Variants in SDK1 observed in about 807,000 individuals in gnomAD.
The protein encoded by SDK1 is protein sidekick-1.
Under a neutral mutation model 245.5 loss-of-function variants are expected in SDK1, and 157 were observed. The observed-to-expected ratio is 0.64, with a 90% CI of 0.56 to 0.73. The LOEUF (loss-of-function observed/expected upper bound fraction) is 0.73, where lower values mean the gene tolerates loss of function less well. SDK1 is among the 30% of genes least tolerant of loss of function. SDK1 has a pLI of 0.00. For synonymous variants in SDK1, 1,647 were observed against 1,278.5 expected (o/e 1.29, Z -6.15); for missense variants, 3,583 against 3,002.3 (o/e 1.19, Z -4.52).
At chr7:3,852,727 G>A (rs181520375) in intron 5 of SDK1, among the ~76,000 whole-genome samples, 11 of 137,262 alleles carry the variant, frequency 8.0e-5, no homozygotes, top group Non-Finnish European at 1.5e-5. Context: ...CTCCAGCCTG[G>A]GAGACAGAGC....
At chr7:3,712,853 G>A (rs1785089492) in intron 4 of SDK1, among the ~76,000 whole-genome samples, 1 of 152,218 alleles carries the variant, frequency 6.6e-6, no homozygotes, top group Non-Finnish European at 1.5e-5. Context: ...CCTGCGACTT[G>A]GCCCAGGTGC....
intron 2 of SDK1, among the ~76,000 whole-genome samples, chr7:3,628,185 A>C (rs1782178332): frequency 6.6e-6 from 1 of 152,114 alleles, no homozygotes; most frequent in East Asian, 1.9e-4. Flanking sequence ...TCAATTGGTG[A>C]GGCCTGTGTA....
intron 1 of SDK1, among the ~76,000 whole-genome samples, chr7:3,568,021 A>G (rs776260756): frequency 6.6e-5 from 10 of 151,946 alleles, no homozygotes; most frequent in South Asian, 6.2e-4. Flanking sequence ...AGGTCTCACT[A>G]TGTTGTCCAG....
intron 1 of SDK1, among the ~76,000 whole-genome samples, chr7:3,483,040 C>G (rs1244413679): frequency 6.6e-6 from 1 of 151,336 alleles, no homozygotes; most frequent in Non-Finnish European, 1.5e-5. Context: ...ATATTGTAAA[C>G]TTTTTAAAAT....
intron 40 of SDK1, among the ~76,000 whole-genome samples, chr7:4,223,661 T>A (rs1405405331): frequency 6.6e-6 from 1 of 152,202 alleles, no homozygotes; most frequent in Non-Finnish European, 1.5e-5. Context: ...CCGGCAGGAC[T>A]TCATCCTAAC....
At chr7:3,920,553 G>A (rs1014709253) in intron 5 of SDK1, among the ~76,000 whole-genome samples, 23 of 152,148 alleles carry the variant, frequency 1.5e-4, no homozygotes, top group African/African-American at 4.1e-4. Context: ...ACAGATTAAG[G>A]TGGGAGGGCA....
At chr7:4,121,371 T>A (rs1784055172) in intron 25 of SDK1, among the ~76,000 whole-genome samples, 3 of 152,158 alleles carry the variant, frequency 2.0e-5, no homozygotes, top group Admixed American at 2.0e-4. Context: ...GATTGGATCA[T>A]GGGGGCAATT....
chr7:4,042,804 C>A (rs1338609579), intron 17 of SDK1, among the ~76,000 whole-genome samples: 1 of 152,168 alleles, frequency 6.6e-6, no homozygotes, highest in Non-Finnish European at 1.5e-5. Context: ...GCCATAACCA[C>A]TCTTTTATTT....
intron 1 of SDK1, among the ~76,000 whole-genome samples, chr7:3,369,584 C>G (rs762856088): frequency 9.2e-5 from 14 of 152,160 alleles, no homozygotes; most frequent in Non-Finnish European, 1.3e-4. Context: ...AACATTTGTT[C>G]TTTCTTTTAC....
intron 1 of SDK1, among the ~76,000 whole-genome samples, chr7:3,514,800 A>T (rs1373886728): frequency 1.3e-5 from 2 of 152,200 alleles, no homozygotes; most frequent in Non-Finnish European, 2.9e-5. Context: ...CAGGATTTGT[A>T]TTACTAAAGA....
intron 4 of SDK1, among the ~76,000 whole-genome samples, chr7:3,713,209 A>T (rs1420317104): frequency 6.6e-6 from 1 of 152,240 alleles, no homozygotes; most frequent in African/African-American, 2.4e-5. Context: ...TTGATGGATG[A>T]TGAAGACATT....
At chr7:4,103,181 TA>T (rs199817479) in intron 22 of SDK1, among the ~76,000 whole-genome samples, 11,128 of 152,204 alleles carry the variant, frequency 0.073, 443 homozygotes, top group African/African-American at 0.11. Context: ...TTTGTATTTT[TA>T]GTGGAGACTG....
intron 28 of SDK1, among the ~76,000 whole-genome samples, chr7:4,144,773 C>T (rs2128206235): frequency 6.6e-6 from 1 of 152,280 alleles, no homozygotes; most frequent in South Asian, 2.1e-4. Flanking sequence ...AGAGGCCACT[C>T]CACGAAGAGG....
intron 4 of SDK1, among the ~76,000 whole-genome samples, chr7:3,677,468 C>T (rs999846659): frequency 6.6e-6 from 1 of 152,156 alleles, no homozygotes; most frequent in African/African-American, 2.4e-5. Context: ...TGCTGGCAGA[C>T]AAGAGAGCTT....
intron 1 of SDK1, among the ~76,000 whole-genome samples, chr7:3,509,522 C>A (rs1271014479): frequency 6.6e-6 from 1 of 152,142 alleles, no homozygotes; most frequent in Non-Finnish European, 1.5e-5. Context: ...TAAATACAAC[C>A]ACAATGTTTG....
intron 5 of SDK1, among the ~76,000 whole-genome samples, chr7:3,928,564 T>A (rs1779858082): frequency 6.6e-6 from 1 of 152,172 alleles, no homozygotes; most frequent in Non-Finnish European, 1.5e-5. Context: ...AGAAGGCTTT[T>A]TTGGTAGGCA....
intron 33 of SDK1, among the ~76,000 whole-genome samples, chr7:4,174,893 C>T (rs540040339): frequency 5.9e-5 from 9 of 152,348 alleles, no homozygotes; most frequent in Non-Finnish European, 1.0e-4. Context: ...CCCGTTCCCA[C>T]CCCTCCTCTG....
At position 3,545,308 on chromosome 7, in the gene SDK1, A is replaced by G. The variant is rs1332010494; in HGVS notation, c.299-73772A>G. On this transcript the variant is annotated intron_variant, in intron 1 of 44. Coordinates refer to ENST00000404826, the MANE Select transcript of SDK1 (RefSeq NM_152744.4). ...TCAGAAAAATGGTGGGGCACACCAA[A>G]TAAACATTTTGGCAGGCGGTCAAAA... Among the ~76,000 whole-genome samples, 3 of 152,188 alleles carry G rather than the reference A, an allele frequency of 2.0e-5. No individual in the cohort carries two copies. The South Asian group carries it at 6.2e-4, about 32-fold the overall frequency.
At chr7:3,464,250 A>G (rs913125800) in intron 1 of SDK1, among the ~76,000 whole-genome samples, 1 of 152,192 alleles carries the variant, frequency 6.6e-6, no homozygotes, top group African/African-American at 2.4e-5. Flanking sequence ...TGGGCCAGGC[A>G]TGGTGGCTCA....
Sources: gnomAD v4.1 joint callset for allele counts (sites outside exome capture counted in the v4.1 genomes callset) on GRCh38, gnomAD v4.1.1 for gene constraint, MANE v1.5 for transcripts, NCBI Gene and HGNC (gene_info 2026-07-23, HGNC 2026-07-21) for gene names.